Variants in EFR3B observed in about 807,000 individuals in gnomAD.
EFR3B encodes protein EFR3 homolog B.
A neutral mutation model predicts 104.7 loss-of-function variants in EFR3B; 64 were observed. The observed-to-expected ratio is 0.61, with a 90% confidence interval of 0.50 to 0.75. EFR3B has a LOEUF of 0.75. Ranked by LOEUF, EFR3B falls within the 30% of genes least tolerant of loss-of-function variation. The probability of loss-of-function intolerance (pLI) is 0.00; values close to 1 mark genes in which losing one functional copy is unlikely to be tolerated. For missense variants in EFR3B, 750 were observed against 1,078.5 expected (o/e 0.70, Z 4.27); for synonymous variants, 385 against 417.9 (o/e 0.92, Z 0.96).
intron 1 of EFR3B, among the ~76,000 whole-genome samples, chr2:25,066,472 T>C (rs1668340711): frequency 6.6e-6 from 1 of 152,172 alleles, no homozygotes; most frequent in African/African-American, 2.4e-5. Context: ...GAACATTCCC[T>C]TGTGCTTGGC....
chr2:25,115,597 A>G (rs983328141), intron 4 of EFR3B, among the ~76,000 whole-genome samples: 1 of 152,218 alleles, frequency 6.6e-6, no homozygotes, highest in Non-Finnish European at 1.5e-5. Flanking sequence ...CCTTATATGG[A>G]AACAGGGTCT....
chr2:25,084,620 T>A (rs1490093065), intron 1 of EFR3B, among the ~76,000 whole-genome samples: 1 of 152,156 alleles, frequency 6.6e-6, no homozygotes, highest in Non-Finnish European at 1.5e-5. Flanking sequence ...TGACGACATG[T>A]GCCCAAGGTG....
At chr2:25,152,528 C>A (rs1671041284) in intron 21 of EFR3B, among the ~76,000 whole-genome samples, 1 of 152,006 alleles carries the variant, frequency 6.6e-6, no homozygotes, top group African/African-American at 2.4e-5. Flanking sequence ...GGCAGCAGGA[C>A]CCTCTTCCAA....
chr2:25,133,578 A>G (rs1489430985), intron 12 of EFR3B, 144 bp downstream of exon 12: 7 of 920,116 alleles, frequency 7.6e-6, no homozygotes, highest in South Asian at 1.5e-5. Context: ...GCTGAAATCT[A>G]GCCTACGTTC....
At position 25,130,525 on chromosome 2, in the gene EFR3B, TGTTCCCCCAC is replaced by T; in HGVS notation, c.771-23_771-14del. On this transcript the variant is annotated splice_polypyrimidine_tract_variant and intron_variant, in intron 7 of 22. Transcript: ENST00000403714. This position sits in a 1 kb window ranked among gnomAD's most constrained non-coding sequence, Gnocchi z 4.6. The stretch of plus-strand genomic sequence containing the variant: ...CTAACACTGCCGGGAGTTTCATAGT[TGTTCCCCCAC>T]GTTTTCTCCCTCACAGCCATCTGGA... 1.7e-5 allele frequency: 26 copies of T among 1,538,624 alleles called. No individual in the cohort carries two copies. Among genetic ancestry groups the T allele is most frequent in the Non-Finnish European group, 2.1e-5 (24 of 1,135,158 alleles).
At chr2:25,076,948 G>A (rs1231786651) in intron 1 of EFR3B, among the ~76,000 whole-genome samples, 6 of 152,212 alleles carry the variant, frequency 3.9e-5, no homozygotes, top group East Asian at 1.9e-4. Flanking sequence ...TTCTACTCCC[G>A]GTAAGATCTG....
chr2:25,081,282 C>T (rs1031282360), intron 1 of EFR3B: 11 of 1,029,506 alleles, frequency 1.1e-5, no homozygotes, highest in East Asian at 4.7e-5. Flanking sequence ...TCCTTTTCCT[C>T]GACCATCAGC....
chr2:25,093,712 G>A (rs1024574469), intron 3 of EFR3B, among the ~76,000 whole-genome samples: 4 of 151,814 alleles, frequency 2.6e-5, no homozygotes, highest in Non-Finnish European at 5.9e-5. Context: ...ATACAGTCTG[G>A]GGCCTTAAAA....
chr2:25,130,250 T>A lies in EFR3B; in HGVS notation c.770+141T>A. On this transcript the variant is annotated intron_variant, in intron 7 of 22. Transcript: ENST00000403714. The surrounding 1 kb of genome is among the most constrained non-coding windows in gnomAD (Gnocchi z 4.6). Reference sequence around the variant, plus strand: ...CGAGTCGATCCCTTCCCTGTGCCTGTGTTCCCTGCACTGTGACAGCAAAAG... The same window carrying A: ...CGAGTCGATCCCTTCCCTGTGCCTGAGTTCCCTGCACTGTGACAGCAAAAG... 2.2e-6 allele frequency: 3 copies of A among 1,353,484 alleles called. No homozygotes were observed. The highest frequency in any genetic ancestry group is 3.0e-6 in the Non-Finnish European group (3 of 999,522). The allele number at this position is 1,353,484 out of a possible 1,614,324, so 83.8% of individuals were successfully genotyped here.
chr2:25,052,496 C>CTTTTTTTTT (rs56005417), intron 1 of EFR3B, among the ~76,000 whole-genome samples: 3 of 95,726 alleles, frequency 3.1e-5, no homozygotes, highest in African/African-American at 4.8e-5. Context: ...AGGCAGAATT[C>CTTTTTTTTT]TTTTTTTTTT....
intron 1 of EFR3B, among the ~76,000 whole-genome samples, chr2:25,049,330 T>C (rs150663993): frequency 6.6e-6 from 1 of 152,368 alleles, no homozygotes; most frequent in Non-Finnish European, 1.5e-5. Flanking sequence ...GCCTGTCTTT[T>C]GCTGTCTGCT....
intron 1 of EFR3B, among the ~76,000 whole-genome samples, chr2:25,044,254 A>G (rs990153297): frequency 1.3e-5 from 2 of 152,238 alleles, no homozygotes; most frequent in African/African-American, 4.8e-5. Flanking sequence ...GGAAATTACT[A>G]CTGAGTTGCT....
intron 17 of EFR3B, 72 bp from the exon 18 acceptor site, chr2:25,143,660 TAAA>T: frequency 8.6e-7 from 1 of 1,159,322 alleles, no homozygotes. Flanking sequence ...AACCCTGTCT[TAAA>T]AAAAAAAATT....
intron 5 of EFR3B, among the ~76,000 whole-genome samples, chr2:25,127,335 A>G (rs890051154): frequency 6.6e-6 from 1 of 152,154 alleles, no homozygotes; most frequent in Non-Finnish European, 1.5e-5. Context: ...AGGAAAATGC[A>G]TAGAATGTAT....
chr2:25,144,854 G>T, intron 18 of EFR3B, 106 bp from the exon 19 acceptor site: 1 of 899,932 alleles, frequency 1.1e-6, no homozygotes, highest in Non-Finnish European at 1.7e-6. Context: ...AGCCTTAGAG[G>T]ACTGTGGACC....
rs1165743288 is a variant in EFR3B at position 25,152,034 on chromosome 2, G to T, written c.2298+14G>T. On this transcript the variant is annotated intron_variant, in intron 21 of 22. Coordinates refer to ENST00000403714, the MANE Select transcript of EFR3B (RefSeq NM_014971.2). Reference sequence around the variant, plus strand: ...TGCGGGGCCCGGGTAAGTGAAGCATGACATGGGCGAGTCCCTGGGAGCCAA... The same window carrying T: ...TGCGGGGCCCGGGTAAGTGAAGCATTACATGGGCGAGTCCCTGGGAGCCAA... 6.4e-6 allele frequency: 10 copies of T among 1,550,932 alleles called. No individual in the cohort carries two copies. In the East Asian group the frequency reaches 2.4e-4, roughly 38 times the overall value.
chr2:25,066,134 C>T (rs1668331328), intron 1 of EFR3B, among the ~76,000 whole-genome samples: 1 of 152,154 alleles, frequency 6.6e-6, no homozygotes, highest in Non-Finnish European at 1.5e-5. Context: ...ACGTCACACA[C>T]TAGCCCAGTG....
rs1379997197 is a variant in EFR3B, at chr2:25,137,210, A to G, written c.1561-131A>G. 2 of 1,045,534 alleles carry G rather than the reference A, an allele frequency of 1.9e-6. No individual in the cohort carries two copies. Among genetic ancestry groups the G allele is most frequent in the Non-Finnish European group, 2.7e-6 (2 of 727,466 alleles). 64.8% of individuals were successfully genotyped at this position (1,045,534 alleles called of 1,614,324 possible). On this transcript the variant is annotated intron_variant, in intron 14 of 22. Coordinates refer to ENST00000403714, the MANE Select transcript of EFR3B (RefSeq NM_014971.2). This position sits in a 1 kb window ranked among gnomAD's most constrained non-coding sequence, Gnocchi z 4.7. Reference sequence around the variant, plus strand: ...TTCTGCCAGAGCCCGCTTTAAAGGCATCCCCTCCCCAAGGGAGGAGGGGGC... The same window carrying G: ...TTCTGCCAGAGCCCGCTTTAAAGGCGTCCCCTCCCCAAGGGAGGAGGGGGC...
intron 1 of EFR3B, among the ~76,000 whole-genome samples, chr2:25,074,510 AGCCAAGTTTGC>A (rs1219307070): frequency 1.3e-5 from 2 of 150,352 alleles, no homozygotes; most frequent in Admixed American, 1.3e-4. Flanking sequence ...GGTTGCAGTG[AGCCAAGTTTGC>A]GCCACTGCAC....
Sources: gnomAD v4.1 joint callset for allele counts (sites outside exome capture counted in the v4.1 genomes callset) on GRCh38, gnomAD v4.1.1 for gene constraint, Gnocchi (gnomAD v3.1) non-coding constraint, MANE v1.5 for transcripts, NCBI Gene and HGNC (gene_info 2026-07-23, HGNC 2026-07-21) for gene names.